NLGN1: variants seen among roughly 807,000 people sequenced by gnomAD.
The protein encoded by NLGN1 is neuroligin 1.
A neutral mutation model predicts 65.5 loss-of-function variants in NLGN1; 12 were observed. The ratio of observed to expected loss-of-function variants is 0.18; its 90% confidence interval spans 0.12 to 0.30. The LOEUF (loss-of-function observed/expected upper bound fraction) is 0.30. NLGN1 is among the 10% of genes least tolerant of loss of function. The pLI, the probability that NLGN1 is intolerant of heterozygous loss-of-function variation, is 1.00. For missense variants in NLGN1, 750 were observed against 1,007.1 expected (o/e 0.74, Z 3.46); for synonymous variants, 350 against 359.5 (o/e 0.97, Z 0.30).
rs112600269 is a variant in NLGN1, at chr3:174,087,132, G to A, written c.647-188183G>A. ...CTGGAGCCCACTTGAGGGTGGAGGT[G>A]GGAGGAGGGAGATAATCAGAAAAAA... On this transcript the variant is annotated intron_variant, in intron 4 of 6. Coordinates refer to ENST00000457714, the Ensembl canonical transcript of NLGN1. 3.4e-3 allele frequency among the ~76,000 whole-genome samples: 518 copies of A among 152,230 alleles called. 3 individuals carry two copies. Among genetic ancestry groups the A allele is most frequent in the African/African-American group, 0.012 (497 of 41,512 alleles).
At chr3:174,170,268 T>G (rs1046708250) in intron 4 of NLGN1, among the ~76,000 whole-genome samples, 1 of 152,152 alleles carries the variant, frequency 6.6e-6, no homozygotes, top group Non-Finnish European at 1.5e-5. Context: ...CATCAAACAT[T>G]TCCCACCTCC....
intron 2 of NLGN1, among the ~76,000 whole-genome samples, chr3:173,552,176 C>T (rs1740975894): frequency 2.0e-5 from 3 of 152,248 alleles, no homozygotes; most frequent in African/African-American, 4.8e-5. Context: ...TTTTCACCCT[C>T]ATGAAAATGT....
At chr3:174,184,869 T>C (rs1459708444) in intron 4 of NLGN1, among the ~76,000 whole-genome samples, 1 of 152,034 alleles carries the variant, frequency 6.6e-6, no homozygotes, top group African/African-American at 2.4e-5. Flanking sequence ...ATGGAAAGAT[T>C]AAAAAGATGT....
intron 2 of NLGN1, among the ~76,000 whole-genome samples, chr3:173,584,067 G>A (rs962359185): frequency 4.9e-5 from 7 of 143,540 alleles, no homozygotes; most frequent in African/African-American, 1.9e-4. Context: ...GGAAATTTTT[G>A]TAGACAAAAA....
intron 4 of NLGN1, among the ~76,000 whole-genome samples, chr3:174,006,648 A>G (rs181842903): frequency 2.6e-5 from 4 of 152,288 alleles, no homozygotes; most frequent in Admixed American, 6.5e-5. Context: ...ACAAAAATTC[A>G]TATGTTGAAG....
At chr3:173,973,901 G>C in intron 4 of NLGN1, among the ~76,000 whole-genome samples, 1 of 151,918 alleles carries the variant, frequency 6.6e-6, no homozygotes, top group East Asian at 1.9e-4. Context: ...CTGAAAATAT[G>C]TAATAAAATA....
intron 4 of NLGN1, among the ~76,000 whole-genome samples, chr3:173,833,241 C>G (rs1248697431): frequency 6.6e-6 from 1 of 151,956 alleles, no homozygotes; most frequent in Non-Finnish European, 1.5e-5. Flanking sequence ...CTTCAAAAAC[C>G]CTTTTACTGT....
chr3:173,845,552 A>G (rs1040220514), intron 4 of NLGN1, among the ~76,000 whole-genome samples: 6 of 152,090 alleles, frequency 3.9e-5, no homozygotes. Context: ...CTTAAGATAG[A>G]TGGATAGATA....
intron 4 of NLGN1, among the ~76,000 whole-genome samples, chr3:174,191,991 A>C (rs1193375556): frequency 6.6e-6 from 1 of 152,208 alleles, no homozygotes; most frequent in Non-Finnish European, 1.5e-5. Context: ...CTTGTTTGAC[A>C]GAAGTCTATG....
At chr3:173,781,144 C>CACAAA (rs774460899) in intron 3 of NLGN1, among the ~76,000 whole-genome samples, 1 of 80,398 alleles carries the variant, frequency 1.2e-5, no homozygotes, top group African/African-American at 5.5e-5. Flanking sequence ...GACTCCGTCT[C>CACAAA]AAAAAAAAAA....
intron 1 of NLGN1, among the ~76,000 whole-genome samples, chr3:173,401,071 A>G (rs1449298557): frequency 3.3e-5 from 5 of 152,276 alleles, no homozygotes; most frequent in African/African-American, 1.2e-4. Context: ...GGAGAAGAAG[A>G]TAACAGTATT....
chr3:174,204,935 A>T (rs2072875532), intron 4 of NLGN1, among the ~76,000 whole-genome samples: 2 of 152,198 alleles, frequency 1.3e-5, no homozygotes, highest in South Asian at 4.1e-4. Context: ...TTATTAAAGA[A>T]GGATTTAAAT....
chr3:173,468,517 C>G (rs1409311345), intron 2 of NLGN1, among the ~76,000 whole-genome samples: 2 of 152,042 alleles, frequency 1.3e-5, no homozygotes, highest in African/African-American at 4.8e-5. Context: ...ATACACAAAT[C>G]TGAATGAGTG....
chr3:174,095,997 C>G (rs1745454422), intron 4 of NLGN1, among the ~76,000 whole-genome samples: 1 of 143,000 alleles, frequency 7.0e-6, no homozygotes, highest in Non-Finnish European at 1.5e-5. Flanking sequence ...GAGACTCCAT[C>G]TAAAAAAATA....
At chr3:173,621,211 A>T (rs1180637878) in intron 3 of NLGN1, among the ~76,000 whole-genome samples, 2 of 152,148 alleles carry the variant, frequency 1.3e-5, no homozygotes, top group African/African-American at 4.8e-5. Flanking sequence ...AAGAAATGTT[A>T]TAGCTCTTCA....
At chr3:173,917,999 G>A (rs960119764) in intron 4 of NLGN1, among the ~76,000 whole-genome samples, 2 of 152,018 alleles carry the variant, frequency 1.3e-5, no homozygotes, top group Non-Finnish European at 2.9e-5. Context: ...TCCCTTTTCT[G>A]TAAAACTGCA....
intron 2 of NLGN1, among the ~76,000 whole-genome samples, chr3:173,475,674 G>T (rs1206853744): frequency 6.6e-6 from 1 of 152,160 alleles, no homozygotes; most frequent in African/African-American, 2.4e-5. Context: ...TTTTTAGCAA[G>T]AGTTAATTAA....
chr3:173,801,699 A>G (rs1364980531), intron 3 of NLGN1, among the ~76,000 whole-genome samples: 1 of 152,094 alleles, frequency 6.6e-6, no homozygotes, highest in Non-Finnish European at 1.5e-5. Flanking sequence ...TTAAATATTT[A>G]TTTACCACGA....
chr3:173,641,073 TTC>T (rs1310006217), intron 3 of NLGN1, among the ~76,000 whole-genome samples: 10 of 152,204 alleles, frequency 6.6e-5, no homozygotes, highest in African/African-American at 2.2e-4. Context: ...AGTGTACCTC[TTC>T]TGTTTCCTAG....
Sources: gnomAD v4.1 joint callset for allele counts (sites outside exome capture counted in the v4.1 genomes callset) on GRCh38, gnomAD v4.1.1 for gene constraint, MANE v1.5 for transcripts, NCBI Gene and HGNC (gene_info 2026-07-23, HGNC 2026-07-21) for gene names.